CHST8: variants seen among roughly 807,000 people sequenced by gnomAD.
CHST8 encodes the protein GALNAC-4-ST1.
CHST8 carries 10 observed loss-of-function variants against 15.0 expected under a neutral mutation model. The observed-to-expected ratio is 0.67, with a 90% confidence interval of 0.41 to 1.13. The LOEUF (loss-of-function observed/expected upper bound fraction) is 1.13. Ranked by LOEUF, CHST8 falls within the 50% of genes most tolerant of loss-of-function variation. CHST8 has a pLI of 0.00. For synonymous variants in CHST8, 259 were observed against 256.6 expected (o/e 1.01, Z -0.09); for missense variants, 634 against 608.2 (o/e 1.04, Z -0.45).
chr19:33,707,123 G>A (rs1973462407), intron 3 of CHST8, among the ~76,000 whole-genome samples: 1 of 152,164 alleles, frequency 6.6e-6, no homozygotes, highest in Non-Finnish European at 1.5e-5. Flanking sequence ...GCAGGTCAGA[G>A]TTCACTGCAG....
intron 3 of CHST8, among the ~76,000 whole-genome samples, chr19:33,761,569 G>A (rs1212533464): frequency 6.6e-6 from 1 of 151,964 alleles, no homozygotes. Context: ...GACCTCAGGT[G>A]ATACACCCGC....
intron 2 of CHST8, among the ~76,000 whole-genome samples, chr19:33,668,623 A>G (rs1347965375): frequency 6.6e-6 from 1 of 152,128 alleles, no homozygotes; most frequent in African/African-American, 2.4e-5. Flanking sequence ...GAGGGAGGGG[A>G]AGAGTTGTAA....
intron 1 of CHST8, among the ~76,000 whole-genome samples, chr19:33,637,366 C>T (rs1972218333): frequency 6.6e-6 from 1 of 151,818 alleles, no homozygotes; most frequent in Non-Finnish European, 1.5e-5. Context: ...CAGAAGGATC[C>T]CTGTGGGGTG....
rs1024449927 is a variant in CHST8, at chr19:33,736,769, C to T, written c.131-34644C>T. ...CCATACTGCAGACGTTGGGAGTCTGCGGCCATGTAGGATGCAGCCCACAGC... is the reference window on the plus strand; with the variant it reads ...CCATACTGCAGACGTTGGGAGTCTGTGGCCATGTAGGATGCAGCCCACAGC... On this transcript the variant is annotated intron_variant, in intron 3 of 4. Transcript: ENST00000650847. Among the ~76,000 whole-genome samples, 8 of 152,270 alleles carry T rather than the reference C, an allele frequency of 5.3e-5. No individual in the cohort carries two copies. In the South Asian group the frequency reaches 1.0e-3, roughly 20 times the overall value.
chr19:33,741,917 G>GA (rs1353344070), intron 3 of CHST8, among the ~76,000 whole-genome samples: 1 of 152,130 alleles, frequency 6.6e-6, no homozygotes, highest in Non-Finnish European at 1.5e-5. Context: ...GAACTGGGGA[G>GA]AAATGCTCGC....
chr19:33,640,409 A>G (rs1972268341), intron 1 of CHST8, among the ~76,000 whole-genome samples: 1 of 152,180 alleles, frequency 6.6e-6, no homozygotes, highest in South Asian at 2.1e-4. Flanking sequence ...CCACCTCTCC[A>G]GGTCTGTCCG....
chr19:33,707,381 G>A (rs141349790), intron 3 of CHST8, among the ~76,000 whole-genome samples: 7 of 152,084 alleles, frequency 4.6e-5, no homozygotes, highest in East Asian at 3.9e-4. Flanking sequence ...CATTGCCCCC[G>A]CCACTAAATC....
rs1297485404 is a variant in CHST8 at position 33,768,412 on chromosome 19, CTA to C, written c.131-2999_131-2998del. ...CAACATAGCAAGACCCCATCTCTAA[CTA>C]TTTCTAAAATAAATGTAAATTTTTT... On this transcript the variant is annotated intron_variant, in intron 3 of 4. Transcript: ENST00000650847. 2.0e-5 allele frequency among the ~76,000 whole-genome samples: 3 copies of C among 152,148 alleles called. No individual in the cohort carries two copies. The East Asian group carries it at 5.8e-4, about 29-fold the overall frequency.
intron 3 of CHST8, among the ~76,000 whole-genome samples, chr19:33,691,008 C>A (rs1973091399): frequency 6.6e-6 from 1 of 152,206 alleles, no homozygotes; most frequent in Non-Finnish European, 1.5e-5. Flanking sequence ...GGAGAGGAGG[C>A]ATGAGTGTGC....
intron 1 of CHST8, among the ~76,000 whole-genome samples, chr19:33,642,819 G>A (rs991164329): frequency 1.3e-5 from 2 of 152,210 alleles, no homozygotes; most frequent in African/African-American, 4.8e-5. Flanking sequence ...ACGTAAACTC[G>A]TAAATCATTT....
rs1179447413 is a variant in CHST8 at position 33,689,374 on chromosome 19, C to T, written c.113C>T (p.Ala38Val). The T allele has an allele frequency of 3.8e-6, 6 of 1,597,750 alleles. No homozygotes were observed. In the Admixed American group the frequency reaches 5.2e-5, roughly 14 times the overall value. ...FISLQDPTELAPQQVPGIKFN... is the reference protein window; with the variant it reads ...FISLQDPTELVPQQVPGIKFN... ...AGCCTGCAGGACCCTACGGAGCTCG[C>T]CCCCCAGCAGGTGCCAGGTGAGTCC... The change falls in exon 3 of 5, where the codon GCC becomes GTC. Residue 38 changes from alanine (A) to valine (V), a missense_variant. Ala to Val is a moderately conservative substitution (Grantham distance 64). Transcript: ENST00000650847.
intron 2 of CHST8, among the ~76,000 whole-genome samples, chr19:33,687,549 G>C (rs1035862824): frequency 6.6e-6 from 1 of 152,220 alleles, no homozygotes; most frequent in Non-Finnish European, 1.5e-5. Context: ...GAAGGCCGCA[G>C]GAACCAACTG....
chr19:33,672,262 A>G (rs922883311), intron 2 of CHST8, among the ~76,000 whole-genome samples: 1 of 151,940 alleles, frequency 6.6e-6, no homozygotes, highest in Admixed American at 6.6e-5. Flanking sequence ...CAGTAGTGCA[A>G]TCTCAGCTCA....
rs572777304 is a variant in CHST8, at chr19:33,713,009, G to A, written c.130+23618G>A. ...AGGCTGGCCAACCCATGTGGCCCTCGCCCCATGGAGAGCAGCTGGGCATCG... is the reference window on the plus strand; with the variant it reads ...AGGCTGGCCAACCCATGTGGCCCTCACCCCATGGAGAGCAGCTGGGCATCG... On this transcript the variant is annotated intron_variant, in intron 3 of 4. Coordinates refer to ENST00000650847, the MANE Select transcript of CHST8 (RefSeq NM_001127895.2). Among the ~76,000 whole-genome samples the A allele has an allele frequency of 1.2e-4, 18 of 152,090 alleles. 1 individual carries two copies. The South Asian group carries it at 2.9e-3, about 25-fold the overall frequency.
intron 1 of CHST8, among the ~76,000 whole-genome samples, chr19:33,653,099 A>G (rs764492502): frequency 1.3e-5 from 2 of 152,102 alleles, no homozygotes; most frequent in Non-Finnish European, 2.9e-5. Flanking sequence ...ACTCTTGCTT[A>G]TTGCATTCTA....
chr19:33,689,726 G>A (rs1385698355), intron 3 of CHST8, among the ~76,000 whole-genome samples: 1 of 152,202 alleles, frequency 6.6e-6, no homozygotes, highest in African/African-American at 2.4e-5. Flanking sequence ...CACATTGTCA[G>A]GGACATCAGA....
At chr19:33,672,199 G>T (rs368772754) in intron 2 of CHST8, among the ~76,000 whole-genome samples, 2,476 of 151,460 alleles carry the variant, frequency 0.016, 60 homozygotes, top group African/African-American at 0.055. Flanking sequence ...TTCTTTTTTT[G>T]TGTGTGTGTG....
At chr19:33,764,671 C>T (rs1479562074) in intron 3 of CHST8, among the ~76,000 whole-genome samples, 2 of 152,114 alleles carry the variant, frequency 1.3e-5, no homozygotes, top group South Asian at 2.1e-4. Flanking sequence ...TCAAGTTAGG[C>T]CACTAGAGTG....
chr19:33,715,001 C>G (rs907990499), intron 3 of CHST8, among the ~76,000 whole-genome samples: 1 of 152,240 alleles, frequency 6.6e-6, no homozygotes, highest in African/African-American at 2.4e-5. Flanking sequence ...TCCACAGGCT[C>G]TGTCCCAGCA....
Sources: allele counts gnomAD v4.1 joint callset (sites outside exome capture counted in the v4.1 genomes callset), GRCh38; gene constraint gnomAD v4.1.1; transcripts MANE v1.5; gene names NCBI Gene and HGNC (gene_info 2026-07-23, HGNC 2026-07-21).